The following MGAM2 variants were observed in gnomAD, a reference collection of about 807,000 sequenced individuals.
MGAM2 encodes the protein probable maltase-glucoamylase 2.
Under a neutral mutation model 96.1 loss-of-function variants are expected in MGAM2, and 98 were observed. The ratio of observed to expected loss-of-function variants is 1.02; its 90% CI spans 0.87 to 1.21. The LOEUF is 1.21. Among genes scored for constraint, MGAM2 ranks in the 50% most tolerant of loss-of-function variants. The pLI is 0.00. For missense variants in MGAM2, 2,055 were observed against 1,182.4 expected (o/e 1.74, Z -10.82); for synonymous variants, 749 against 414.8 (o/e 1.81, Z -9.79).
rs866477056 is a variant in MGAM2, at chr7:142,134,094, G to A, written c.689G>A (p.Arg230His). Residue 230 changes from arginine to histidine, a missense_variant, in exon 7 of 48, where the codon CGC becomes CAC. Transcript: ENST00000477922. ...GLGEHVHQQY[R>H]HNMTWKTWPI... ...GGAGAGCATGTGCACCAGCAGTACC[G>A]CCACAATATGACCTGGAAGACTTGG... is the stretch of plus-strand genomic sequence containing the variant. The A allele has an allele frequency of 6.6e-6, 5 of 763,178 alleles. No homozygotes were observed. The highest frequency in any genetic ancestry group is 2.4e-5 in the East Asian group (1 of 41,090). The allele number at this position is 763,178 out of a possible 1,614,324, so 47.3% of individuals were successfully genotyped here. A position where few individuals can be genotyped will look rare whatever the true frequency, so the allele number is the denominator to read the frequency against.
chr7:142,169,971 T>C (rs1796141193), intron 26 of MGAM2, 104 bp from the exon 27 acceptor site: 3 of 578,420 alleles, frequency 5.2e-6, no homozygotes, highest in Non-Finnish European at 6.1e-6. Context: ...CCTACTGATA[T>C]GGTGCAAACT....
chr7:142,143,873 A>T lies in MGAM2; in HGVS notation c.1422A>T (p.Gly474=). Residue 474 remains glycine, a synonymous_variant, in exon 13 of 48, where the codon GGA becomes GGT. Coordinates refer to ENST00000477922, the MANE Select transcript of MGAM2 (RefSeq NM_001293626.2). Reference sequence around the variant, plus strand: ...TTCATGATCATCTGGAGTTTGATGGAGTGTGGATTGTAAGTTATTATTCCT... The same window carrying T: ...TTCATGATCATCTGGAGTTTGATGGTGTGTGGATTGTAAGTTATTATTCCT... ...AKFHDHLEFD[G]VWIEMNEVSS... The T allele has an allele frequency of 2.8e-6, 2 of 702,794 alleles. No individual in the cohort carries two copies. The highest frequency in any genetic ancestry group is 5.2e-6 in the Non-Finnish European group (2 of 384,804). The allele number at this position is 702,794 out of a possible 1,614,324, so 43.5% of individuals were successfully genotyped here.
At chr7:142,161,329 G>T in intron 22 of MGAM2, 116 bp downstream of exon 22, 1 of 538,348 alleles carries the variant, frequency 1.9e-6, no homozygotes, top group Non-Finnish European at 3.3e-6. Flanking sequence ...TACATCTGTA[G>T]CTGAGAATCA....
At chr7:142,119,013 CT>C (rs935334670) in intron 2 of MGAM2, among the ~76,000 whole-genome samples, 1 of 152,068 alleles carries the variant, frequency 6.6e-6, no homozygotes, top group South Asian at 2.1e-4. Flanking sequence ...TTGAAAAAAA[CT>C]TTGTGCTTTG....
intron 45 of MGAM2, among the ~76,000 whole-genome samples, chr7:142,201,071 C>CTTTTTTTCTT (rs1797209807): frequency 1.3e-4 from 11 of 84,382 alleles, no homozygotes; most frequent in African/African-American, 5.8e-4. Flanking sequence ...CATCCTTTTT[C>CTTTTTTTCTT]TTTTTTTTTT....
chr7:142,141,155 GT>G lies in MGAM2; in HGVS notation c.1317+40del, dbSNP rs1299367586. On this transcript the variant is annotated intron_variant, in intron 12 of 47. Transcript: ENST00000477922. ...AAGAAAATCAAAGTAAATTATGATT[GT>G]TTTGGGGAGTTGTACTTTTGGTACG... The G allele has an allele frequency of 2.1e-4, 144 of 687,668 alleles. 1 individual carries two copies. The Admixed American group carries it at 3.0e-3, about 14-fold the overall frequency. The allele number at this position is 687,668 out of a possible 1,614,324, so 42.6% of individuals were successfully genotyped here.
rs775966425 is a variant in MGAM2 at position 142,196,285 on chromosome 7, T to C, written c.4478T>C (p.Ile1493Thr). ...TGGGACCAGCTGGGGAAATCTATCA[T>C]TGGTGTGTGGGCTCATTCCCAGGGG... is the stretch of plus-strand genomic sequence containing the variant. ...AAWDQLGKSI[I>T]GMMEFSLFGI... The change falls in exon 38 of 48, where the codon ATT (isoleucine) becomes ACT (threonine). Residue 1493 changes from isoleucine to threonine, a missense_variant and splice_region_variant. Transcript: ENST00000477922. The C allele has an allele frequency of 2.1e-5, 16 of 754,382 alleles. No individual in the cohort carries two copies. Among genetic ancestry groups the C allele is most frequent in the South Asian group, 2.9e-5 (2 of 68,262 alleles). 46.7% of individuals were successfully genotyped at this position (754,382 alleles called of 1,614,324 possible). A position where few individuals can be genotyped will look rare whatever the true frequency, so the allele number is the denominator to read the frequency against.
intron 8 of MGAM2, among the ~76,000 whole-genome samples, chr7:142,137,122 T>C (rs980052284): frequency 6.6e-6 from 1 of 152,080 alleles, no homozygotes; most frequent in Non-Finnish European, 1.5e-5. Context: ...CTAATAAAAT[T>C]TTTATAACGT....
intron 46 of MGAM2, among the ~76,000 whole-genome samples, chr7:142,215,921 A>G (rs955458629): frequency 3.3e-5 from 5 of 152,266 alleles, no homozygotes; most frequent in Admixed American, 3.3e-4. Flanking sequence ...ATTCAATTAC[A>G]TATATAGTTT....
Position 142,217,053 on chromosome 7 carries a change from C to T in MGAM2, c.5188-1308C>T, listed in dbSNP as rs530776457. On this transcript the variant is annotated intron_variant, in intron 46 of 47. Coordinates refer to ENST00000477922, the MANE Select transcript of MGAM2 (RefSeq NM_001293626.2). ...TCCTTCCCATGCTTACCAGGAGTTC[C>T]GAAGTTACATGTCCTTCCTAAGTTC... 3.9e-5 allele frequency among the ~76,000 whole-genome samples: 6 copies of T among 152,246 alleles called. No homozygotes were observed. The South Asian group carries it at 8.3e-4, about 21-fold the overall frequency.
chr7:142,207,192 A>G (rs1797428059), intron 45 of MGAM2, among the ~76,000 whole-genome samples: 1 of 152,150 alleles, frequency 6.6e-6, no homozygotes, highest in African/African-American at 2.4e-5. Context: ...AGGAGACATA[A>G]AGTAAGGAGT....
At chr7:142,136,843 C>T (rs1191211678) in intron 8 of MGAM2, among the ~76,000 whole-genome samples, 1 of 152,126 alleles carries the variant, frequency 6.6e-6, no homozygotes, top group Non-Finnish European at 1.5e-5. Context: ...TTGAAAACCA[C>T]TTCAGGGGTC....
chr7:142,190,803 C>G (rs1212294475), intron 37 of MGAM2, among the ~76,000 whole-genome samples: 1 of 151,936 alleles, frequency 6.6e-6, no homozygotes, highest in Non-Finnish European at 1.5e-5. Context: ...CTATTCAAAT[C>G]CTTTGCTCAT....
At chr7:142,186,144 CTTTTT>C in intron 35 of MGAM2, 21 bp downstream of exon 35, 1 of 621,506 alleles carries the variant, frequency 1.6e-6, no homozygotes, top group Non-Finnish European at 2.9e-6. Context: ...CCTTGGTTGT[CTTTTT>C]TTTTTTTTTG....
chr7:142,212,904 C>T (rs1042363294), intron 46 of MGAM2, among the ~76,000 whole-genome samples: 2 of 152,154 alleles, frequency 1.3e-5, no homozygotes, highest in Non-Finnish European at 2.9e-5. Flanking sequence ...ACCAATAGCA[C>T]TTATTCGAAA....
intron 2 of MGAM2, among the ~76,000 whole-genome samples, chr7:142,117,256 A>G (rs920618021): frequency 3.8e-4 from 58 of 152,264 alleles, no homozygotes; most frequent in African/African-American, 1.3e-3. Context: ...CCTTCAACCC[A>G]GAGTCATGAA....
At chr7:142,117,184 C>T (rs1817439008) in intron 2 of MGAM2, among the ~76,000 whole-genome samples, 1 of 152,150 alleles carries the variant, frequency 6.6e-6, no homozygotes, top group Non-Finnish European at 1.5e-5. Context: ...CATTTAGGGT[C>T]TCCCAAGCCC....
At chr7:142,114,151 AAG>A (rs1817276347) in intron 1 of MGAM2, among the ~76,000 whole-genome samples, 1 of 121,830 alleles carries the variant, frequency 8.2e-6, no homozygotes. Flanking sequence ...AGAAAGAAAG[AAG>A]GAAAGAAAGA....
chr7:142,216,170 T>C (rs945675602), intron 46 of MGAM2, among the ~76,000 whole-genome samples: 22 of 152,218 alleles, frequency 1.4e-4, no homozygotes, highest in Admixed American at 2.6e-4. Context: ...TGCTAGACTT[T>C]GTATACTAAT....
Sources: gnomAD v4.1 joint callset for allele counts (sites outside exome capture counted in the v4.1 genomes callset) on GRCh38, gnomAD v4.1.1 for gene constraint, MANE v1.5 for transcripts, NCBI Gene and HGNC (gene_info 2026-07-23, HGNC 2026-07-21) for gene names.